Variants in DPH6 observed in about 807,000 individuals in gnomAD.
DPH6 encodes diphthine--ammonia ligase.
DPH6 carries 33 observed loss-of-function variants against 38.2 expected under a neutral mutation model. The observed-to-expected ratio is 0.86, with a 90% CI of 0.65 to 1.15. The LOEUF is 1.15. Ranked by LOEUF, DPH6 falls within the 50% of genes most tolerant of loss-of-function variation. The pLI is 0.00. For synonymous variants in DPH6, 108 were observed against 103.0 expected (o/e 1.05, Z -0.30); for missense variants, 325 against 320.0 (o/e 1.02, Z -0.12).
the DPH6 span, among the ~76,000 whole-genome samples, chr15:35,173,980 G>A: frequency 6.6e-6 from 1 of 152,142 alleles, no homozygotes; most frequent in African/African-American, 2.4e-5. Context: ...AGGTGTTTAT[G>A]ATATGTAACT....
the DPH6 span, among the ~76,000 whole-genome samples, chr15:35,192,280 A>G: frequency 1.6e-4 from 25 of 152,324 alleles, 1 homozygote; most frequent in African/African-American, 5.8e-4. Context: ...GAAGGGAATA[A>G]TAGTACCTAA....
rs1491101707 is a variant in DPH6 at position 35,436,509 on chromosome 15, C to CAAAA, written c.505+14172_505+14175dup. On this transcript the variant is annotated intron_variant, in intron 5 of 8. Coordinates refer to ENST00000256538, the MANE Select transcript of DPH6 (RefSeq NM_080650.4). ...CAAAACAAAACAAAACAAAACAAAA[C>CAAAA]AAAACAAAAAAGGTTCTCTCCCTGT... 3.9e-3 allele frequency among the ~76,000 whole-genome samples: 423 copies of CAAAA among 107,560 alleles called. 41 individuals carry two copies. Among genetic ancestry groups the CAAAA allele is most frequent in the African/African-American group, 0.016 (383 of 23,822 alleles). The allele number at this position is 107,560 out of a possible 152,430, so 70.6% of individuals were successfully genotyped here.
intron 3 of DPH6, among the ~76,000 whole-genome samples, chr15:35,530,389 T>C (rs1448704920): frequency 6.6e-6 from 1 of 152,016 alleles, no homozygotes; most frequent in East Asian, 1.9e-4. Context: ...AAGAAAGATA[T>C]TTGAAAGAAA....
At chr15:35,511,270 A>C (rs918965411) in intron 3 of DPH6, among the ~76,000 whole-genome samples, 2 of 152,194 alleles carry the variant, frequency 1.3e-5, no homozygotes, top group African/African-American at 2.4e-5. Context: ...GCTCATAAAA[A>C]GACATAAATA....
chr15:35,253,488 G>A (rs773043650), intron 3 of DPH6, among the ~76,000 whole-genome samples: 1 of 152,212 alleles, frequency 6.6e-6, no homozygotes, highest in Non-Finnish European at 1.5e-5. Context: ...CCAGAAAAGT[G>A]AGAGTAAACC....
intron 5 of DPH6, among the ~76,000 whole-genome samples, chr15:35,447,317 G>A (rs1447614200): frequency 2.6e-5 from 4 of 152,216 alleles, no homozygotes; most frequent in East Asian, 1.9e-4. Context: ...TATTTACCAC[G>A]GAGAGATACC....
chr15:35,541,368 A>G (rs968137653), intron 2 of DPH6, among the ~76,000 whole-genome samples: 2 of 152,260 alleles, frequency 1.3e-5, no homozygotes, highest in Non-Finnish European at 1.5e-5. Context: ...CTCCTACCAG[A>G]GGCATAGAGC....
chr15:35,283,992 T>C (rs1024614269), intron 3 of DPH6, among the ~76,000 whole-genome samples: 1 of 152,228 alleles, frequency 6.6e-6, no homozygotes, highest in African/African-American at 2.4e-5. Context: ...TAAGCATAAA[T>C]TTTAAAATCC....
chr15:35,236,268 G>A (rs1350187322), intron 3 of DPH6, among the ~76,000 whole-genome samples: 1 of 152,170 alleles, frequency 6.6e-6, no homozygotes, highest in Non-Finnish European at 1.5e-5. Flanking sequence ...GAATAATTTA[G>A]TATAGTTAAA....
intron 5 of DPH6, among the ~76,000 whole-genome samples, chr15:35,419,406 T>TAC (rs890353291): frequency 3.3e-5 from 5 of 152,104 alleles, no homozygotes; most frequent in Admixed American, 6.6e-5. Flanking sequence ...CTTAAATGCT[T>TAC]ACAGCTCTTA....
In DPH6 at chr15:35,271,577, T is replaced by C. The variant is rs952430536; in HGVS notation, n.201-50995A>G. On this transcript the variant is annotated intron_variant and non_coding_transcript_variant, in intron 3 of 3. Transcript: ENST00000560386. The stretch of plus-strand genomic sequence containing the variant: ...AGTTACACATATAGAGTAGAGGCAG[T>C]TGGAGTAATACATAGTGACCACTCA... Among the ~76,000 whole-genome samples the C allele has an allele frequency of 7.2e-5, 11 of 152,126 alleles. 1 individual carries two copies. The highest frequency in any genetic ancestry group is 7.2e-4 in the Admixed American group (11 of 15,268).
intron 3 of DPH6, among the ~76,000 whole-genome samples, chr15:35,361,333 A>C (rs1016575508): frequency 9.9e-5 from 15 of 152,256 alleles, no homozygotes; most frequent in Admixed American, 5.2e-4. Context: ...TGAGCTGGGG[A>C]ACCTCATTTT....
intron 3 of DPH6, among the ~76,000 whole-genome samples, chr15:35,496,567 A>AAAAAATATATATATATATAT: frequency 1.1e-3 from 34 of 30,994 alleles, no homozygotes; most frequent in Non-Finnish European, 1.6e-3. Context: ...AAAAAAAAAA[A>AAAAAATATATATATATATAT]ATATATATAT....
intron 5 of DPH6, among the ~76,000 whole-genome samples, chr15:35,439,523 G>A (rs2053759637): frequency 6.6e-6 from 1 of 152,148 alleles, no homozygotes; most frequent in African/African-American, 2.4e-5. Context: ...TTTTATCAAG[G>A]CTTTGACTGG....
the DPH6 span, among the ~76,000 whole-genome samples, chr15:35,184,364 T>C: frequency 6.6e-6 from 1 of 152,174 alleles, no homozygotes; most frequent in Non-Finnish European, 1.5e-5. Flanking sequence ...AGACTGGGAA[T>C]GCATATTCTG....
chr15:35,231,499 T>C (rs529079740), intron 3 of DPH6, among the ~76,000 whole-genome samples: 1 of 152,330 alleles, frequency 6.6e-6, no homozygotes, highest in South Asian at 2.1e-4. Context: ...TTTTGGTTCA[T>C]ACAAAGGTGC....
intron 7 of DPH6, among the ~76,000 whole-genome samples, chr15:35,381,160 A>C (rs1015997725): frequency 6.6e-6 from 1 of 152,190 alleles, no homozygotes; most frequent in African/African-American, 2.4e-5. Flanking sequence ...AATCTTTTCC[A>C]TGATGCATAC....
chr15:35,450,141 C>G (rs1463240517), intron 5 of DPH6, among the ~76,000 whole-genome samples: 2 of 152,100 alleles, frequency 1.3e-5, no homozygotes, highest in Admixed American at 6.5e-5. Context: ...TGTGTCTATG[C>G]TAACTAATCA....
At chr15:35,401,671 A>G in intron 6 of DPH6, 1 of 747,448 alleles carries the variant, frequency 1.3e-6, no homozygotes, top group Non-Finnish European at 2.5e-6. Context: ...TCTGGCTCCT[A>G]TGGTGTTGGA....
Sources: allele counts gnomAD v4.1 joint callset (sites outside exome capture counted in the v4.1 genomes callset), GRCh38; gene constraint gnomAD v4.1.1; transcripts MANE v1.5; gene names NCBI Gene and HGNC (gene_info 2026-07-23, HGNC 2026-07-21).